Variants in SETBP1 observed in about 807,000 individuals in gnomAD.
SETBP1 encodes SET-binding protein.
In SETBP1, 9 loss-of-function variants were observed where a neutral mutation model predicts 101.0. That is an observed-to-expected ratio of 0.09 (90% CI 0.05 to 0.16). The LOEUF is 0.16. SETBP1 is among the 10% of genes least tolerant of loss of function. SETBP1 has a pLI of 1.00. For missense variants in SETBP1, 1,858 were observed against 2,033.8 expected (o/e 0.91, Z 1.66); for synonymous variants, 818 against 788.5 (o/e 1.04, Z -0.63).
At chr18:44,987,430 A>G (rs2072265484) in intron 4 of SETBP1, 4 of 152,224 alleles carry the variant, frequency 2.6e-5, no homozygotes, top group Non-Finnish European at 5.9e-5. Flanking sequence ...TAGACAATGC[A>G]GATTCTGGTT....
At chr18:44,979,630 T>G (rs2072067237) in intron 4 of SETBP1, among the ~76,000 whole-genome samples, 2 of 152,218 alleles carry the variant, frequency 1.3e-5, no homozygotes, top group African/African-American at 4.8e-5. Flanking sequence ...CTGGTCATTT[T>G]GATTTAAGAA....
intron 2 of SETBP1, among the ~76,000 whole-genome samples, chr18:44,834,766 G>A (rs2072459707): frequency 6.6e-6 from 1 of 152,130 alleles, no homozygotes; most frequent in African/African-American, 2.4e-5. Context: ...GACCAACAGG[G>A]GCAAGACAGA....
At chr18:44,893,532 C>T (rs540675525) in intron 3 of SETBP1, among the ~76,000 whole-genome samples, 74 of 152,298 alleles carry the variant, frequency 4.9e-4, no homozygotes, top group African/African-American at 1.7e-3. Flanking sequence ...AATTGAACCT[C>T]GGTCTCCTGG....
intron 2 of SETBP1, among the ~76,000 whole-genome samples, chr18:44,706,715 C>T (rs1361578534): frequency 6.8e-6 from 1 of 147,894 alleles, no homozygotes; most frequent in Non-Finnish European, 1.5e-5. Context: ...GAGTCAGGGA[C>T]ACCTGTCTAG....
chr18:44,953,395 T>C, intron 4 of SETBP1, 55 bp downstream of exon 4: 1 of 1,487,474 alleles, frequency 6.7e-7, no homozygotes, highest in Admixed American at 1.8e-5. Context: ...TGCTGGGCTT[T>C]GCACCTCAGA....
At chr18:44,969,216 C>T (rs1030515888) in intron 4 of SETBP1, among the ~76,000 whole-genome samples, 19 of 152,126 alleles carry the variant, frequency 1.2e-4, no homozygotes, top group Admixed American at 5.2e-4. Flanking sequence ...GGTTTCAAGG[C>T]GGGGGAAGAA....
At chr18:44,819,296 C>T (rs1194534810) in intron 2 of SETBP1, among the ~76,000 whole-genome samples, 1 of 152,172 alleles carries the variant, frequency 6.6e-6, no homozygotes, top group African/African-American at 2.4e-5. Context: ...CATTTTCTCT[C>T]TCATCAGAAC....
At chr18:44,764,552 A>G (rs1033609798) in intron 2 of SETBP1, among the ~76,000 whole-genome samples, 22 of 151,838 alleles carry the variant, frequency 1.4e-4, no homozygotes, top group Admixed American at 8.5e-4. Flanking sequence ...GGCTCATTGC[A>G]AGCTCCGCCT....
intron 2 of SETBP1, among the ~76,000 whole-genome samples, chr18:44,865,470 C>T (rs1201783080): frequency 1.3e-5 from 2 of 152,312 alleles, no homozygotes; most frequent in African/African-American, 4.8e-5. Context: ...CTCCCTCAGG[C>T]CCTGACACTA....
At chr18:44,842,534 C>T (rs1303494477) in intron 2 of SETBP1, among the ~76,000 whole-genome samples, 2 of 152,192 alleles carry the variant, frequency 1.3e-5, no homozygotes, top group African/African-American at 4.8e-5. Context: ...CAATCTGGTG[C>T]CTTCCCCAAA....
intron 4 of SETBP1, among the ~76,000 whole-genome samples, chr18:45,034,161 T>C (rs1467354666): frequency 2.6e-5 from 4 of 152,154 alleles, no homozygotes; most frequent in Admixed American, 1.3e-4. Context: ...GAAGAGGTAA[T>C]TGAGCAGCAA....
intron 4 of SETBP1, among the ~76,000 whole-genome samples, chr18:45,034,320 T>C (rs1304498831): frequency 2.0e-5 from 3 of 152,176 alleles, no homozygotes; most frequent in Non-Finnish European, 4.4e-5. Flanking sequence ...TGATTTTGAT[T>C]TGGGAGTAGT....
Position 44,958,474 on chromosome 18 carries a change from G to A in SETBP1, c.4000+5134G>A, listed in dbSNP as rs186275386. Among the ~76,000 whole-genome samples, 6 of 152,224 alleles carry A rather than the reference G, an allele frequency of 3.9e-5. No individual in the cohort carries two copies. In the East Asian group the frequency reaches 9.7e-4, roughly 25 times the overall value. On this transcript the variant is annotated intron_variant, in intron 4 of 5. Coordinates refer to ENST00000649279, the MANE Select transcript of SETBP1 (RefSeq NM_015559.3). The stretch of plus-strand genomic sequence containing the variant: ...GAACATTTTTATGGGAACAGACAGG[G>A]CACACTTGGATTTGTATTTAGACTC...
chr18:45,008,200 T>C (rs976013944), intron 4 of SETBP1, among the ~76,000 whole-genome samples: 11 of 152,318 alleles, frequency 7.2e-5, no homozygotes, highest in African/African-American at 2.6e-4. Context: ...ATCTTGTCCC[T>C]AGGGGACAAG....
At chr18:44,995,526 CTT>C (rs1354704075) in intron 4 of SETBP1, among the ~76,000 whole-genome samples, 5 of 104,098 alleles carry the variant, frequency 4.8e-5, no homozygotes, top group South Asian at 6.0e-4. Context: ...CATGTCCAGG[CTT>C]TTGTGTGTGT....
intron 4 of SETBP1, among the ~76,000 whole-genome samples, chr18:45,035,975 G>T (rs529728088): frequency 3.9e-5 from 6 of 152,206 alleles, no homozygotes; most frequent in Middle Eastern, 3.4e-3. Context: ...AACTGTGTTT[G>T]TTTTCTGAAA....
intron 3 of SETBP1, among the ~76,000 whole-genome samples, chr18:44,903,457 A>G (rs2070100198): frequency 6.6e-6 from 1 of 152,212 alleles, no homozygotes. Flanking sequence ...CTTTTGAACA[A>G]TGCCCAGCCA....
At chr18:45,062,148 G>T (rs1277285158) in intron 5 of SETBP1, among the ~76,000 whole-genome samples, 1 of 152,234 alleles carries the variant, frequency 6.6e-6, no homozygotes, top group Non-Finnish European at 1.5e-5. Context: ...ACGCTTTATG[G>T]TGTCTGAACT....
chr18:45,023,342 G>T (rs918470875), intron 4 of SETBP1, among the ~76,000 whole-genome samples: 1 of 152,154 alleles, frequency 6.6e-6, no homozygotes, highest in Admixed American at 6.5e-5. Flanking sequence ...GCTCAGGGGA[G>T]ATTTTTATTT....
Sources: allele counts gnomAD v4.1 joint callset (sites outside exome capture counted in the v4.1 genomes callset), GRCh38; gene constraint gnomAD v4.1.1; transcripts MANE v1.5; gene names NCBI Gene and HGNC (gene_info 2026-07-23, HGNC 2026-07-21).